Variants in ZNF157 observed in about 807,000 individuals in gnomAD.
ZNF157 encodes zinc finger protein 157, also known as zinc finger protein 22.
Under a neutral mutation model 9.4 loss-of-function variants are expected in ZNF157, and 8 were observed. The observed-to-expected ratio is 0.85, with a 90% CI of 0.50 to 1.53. ZNF157 has a LOEUF of 1.53. Among genes scored for constraint, ZNF157 ranks in the 40% most tolerant of loss-of-function variants. The pLI is 0.00. For synonymous variants in ZNF157, 120 were observed against 130.8 expected, an observed-to-expected ratio of 0.92 and a Z score of 0.56; for missense variants, 316 against 385.2, an observed-to-expected ratio of 0.82 and a Z score of 1.50.
chrX:47,413,707 CT>C lies in ZNF157; in HGVS notation c.*115del, dbSNP rs1176812407. ...TTGTATCAAAGTATGTCCTGATCCC[CT>C]TAGGGGATAGCTCATTGTTTTTATT... On this transcript the variant is annotated 3_prime_UTR_variant, in exon 4 of 4. Transcript: ENST00000377073. 9.4e-7 allele frequency: 1 copy of C among 1,059,996 alleles called. No homozygotes were observed. The highest frequency in any genetic ancestry group is 1.2e-6 in the Non-Finnish European group (1 of 805,096). The allele number at this position is 1,059,996 out of a possible 1,213,427, so 87.4% of individuals were successfully genotyped here. A position where few individuals can be genotyped will look rare whatever the true frequency, so the allele number is the denominator to read the frequency against.
At chrX:47,412,089 G>C (rs1419987999) in intron 3 of ZNF157, among the ~76,000 whole-genome samples, 1 of 111,487 alleles carries the variant, frequency 9.0e-6, no homozygotes, top group Non-Finnish European at 1.9e-5. Flanking sequence ...CTCCCGAGTA[G>C]CTGGGATTAC....
At chrX:47,386,737 G>A (rs2055880659) in intron 1 of ZNF157, among the ~76,000 whole-genome samples, 1 of 111,425 alleles carries the variant, frequency 9.0e-6, no homozygotes, top group Non-Finnish European at 1.9e-5. Flanking sequence ...TGGGATTATA[G>A]GCATGAGCCA....
At chrX:47,375,397 C>A (rs374619099) in intron 1 of ZNF157, among the ~76,000 whole-genome samples, 4 of 110,042 alleles carry the variant, frequency 3.6e-5, no homozygotes, top group Middle Eastern at 4.2e-3. Context: ...CCTCCTCAAC[C>A]CCCCCCACAA....
intron 1 of ZNF157, among the ~76,000 whole-genome samples, chrX:47,396,764 C>CTTGGTAAT (rs2055914708): frequency 9.0e-6 from 1 of 111,330 alleles, no homozygotes; most frequent in African/African-American, 3.3e-5. Flanking sequence ...ATACCCAAGA[C>CTTGGTAAT]TTGGTAATTT....
chrX:47,384,236 T>A (rs10126437), intron 1 of ZNF157, among the ~76,000 whole-genome samples: 226 of 111,175 alleles, frequency 2.0e-3, no homozygotes, highest in African/African-American at 7.1e-3. Context: ...CGAGACAAAG[T>A]CTCAAATAAA....
chrX:47,378,545 AGCCAAGTTCCTCTCACGCTGGGCGCGGTG>A (rs2055851722), intron 1 of ZNF157, among the ~76,000 whole-genome samples: 1 of 112,165 alleles, frequency 8.9e-6, no homozygotes, highest in Middle Eastern at 4.6e-3. Context: ...TTAAACTATA[AGCCAAGTTCCTCTCACGCTGGGCGCGGTG>A]GCTCATGCCT....
chrX:47,404,161 C>CTGTT (rs201953340), intron 1 of ZNF157, among the ~76,000 whole-genome samples: 19,707 of 107,599 alleles, frequency 0.18, 1,958 homozygotes, highest in Middle Eastern at 0.32. Flanking sequence ...CAGAGCCAGA[C>CTGTT]TGTTTGTTTG....
chrX:47,390,143 A>C (rs1168724779), intron 1 of ZNF157: 2 of 111,400 alleles, frequency 1.8e-5, no homozygotes, highest in African/African-American at 3.3e-5. Flanking sequence ...ATTCTCAAAG[A>C]AGCCTGTGTG....
At chrX:47,375,845 C>T (rs6609486) in intron 1 of ZNF157, among the ~76,000 whole-genome samples, 39,722 of 109,828 alleles carry the variant, frequency 0.36, 5,572 homozygotes, top group African/African-American at 0.49. Flanking sequence ...AGGCACATGC[C>T]ACCATGTCTG....
At chrX:47,404,905 T>G (rs930244250) in intron 1 of ZNF157, among the ~76,000 whole-genome samples, 3 of 111,298 alleles carry the variant, frequency 2.7e-5, no homozygotes, top group African/African-American at 6.5e-5. Context: ...AATAGAGGTT[T>G]AATTGACTTA....
chrX:47,391,035 A>T (rs183290355), intron 1 of ZNF157: 1 of 111,176 alleles, frequency 9.0e-6, no homozygotes, highest in Non-Finnish European at 1.9e-5. Context: ...CTTTTCAAGT[A>T]TTTTGGTTAG....
intron 1 of ZNF157, among the ~76,000 whole-genome samples, chrX:47,407,316 CTT>C (rs2055950143): frequency 8.9e-6 from 1 of 111,943 alleles, no homozygotes; most frequent in African/African-American, 3.2e-5. Context: ...CTTGTCATGT[CTT>C]TGTCTGATTT....
At chrX:47,393,834 C>T (rs140373632) in intron 1 of ZNF157, among the ~76,000 whole-genome samples, 34 of 105,875 alleles carry the variant, frequency 3.2e-4, no homozygotes, top group African/African-American at 1.1e-3. Flanking sequence ...TCAAGTCAAC[C>T]TTCAGCCACT....
intron 1 of ZNF157, among the ~76,000 whole-genome samples, chrX:47,375,660 A>T (rs1334453958): frequency 9.4e-6 from 1 of 106,755 alleles, no homozygotes; most frequent in African/African-American, 3.4e-5. Context: ...CCGAACCTCT[A>T]TCAACCACTC....
chrX:47,383,389 A>G (rs1377484730), intron 1 of ZNF157, among the ~76,000 whole-genome samples: 1 of 98,450 alleles, frequency 1.0e-5, no homozygotes, highest in Admixed American at 1.2e-4. Context: ...AAAAAAAAAA[A>G]AAAAAAAAAG....
chrX:47,376,799 C>T (rs1206488261), intron 1 of ZNF157, among the ~76,000 whole-genome samples: 3 of 111,474 alleles, frequency 2.7e-5, no homozygotes, highest in African/African-American at 9.8e-5. Context: ...TTCAAACCTC[C>T]GAGCTGTCCT....
At chrX:47,403,143 G>A (rs1454965671) in intron 1 of ZNF157, among the ~76,000 whole-genome samples, 1 of 108,203 alleles carries the variant, frequency 9.2e-6, no homozygotes, top group East Asian at 3.0e-4. Context: ...TGGGTGTGGT[G>A]GCAGACACCT....
intron 1 of ZNF157, among the ~76,000 whole-genome samples, chrX:47,383,411 C>T (rs1317289992): frequency 1.1e-5 from 1 of 90,807 alleles, no homozygotes; most frequent in Non-Finnish European, 2.2e-5. Context: ...AATGGGATGG[C>T]TGGGCTTTGT....
rs1569261926 is a variant in ZNF157 at position 47,413,954 on chromosome X, G to A, written c.*360G>A. ...TGCAAATATCTTCTCCCAGACTGTC[G>A]TTGGTTTTTTAAATTTTGCCATCTG... On this transcript the variant is annotated 3_prime_UTR_variant, in exon 4 of 4. Coordinates refer to ENST00000377073, the MANE Select transcript of ZNF157 (RefSeq NM_003446.4). The A allele has an allele frequency of 8.3e-6, 1 of 119,915 alleles. No individual in the cohort carries two copies. The highest frequency in any genetic ancestry group is 1.7e-5 in the Non-Finnish European group (1 of 58,397). 9.9% of individuals were successfully genotyped at this position (119,915 alleles called of 1,213,427 possible).
Sources: gnomAD v4.1 joint callset for allele counts (sites outside exome capture counted in the v4.1 genomes callset) on GRCh38, gnomAD v4.1.1 for gene constraint, MANE v1.5 for transcripts, NCBI Gene and HGNC (gene_info 2026-07-23, HGNC 2026-07-21) for gene names.